OSBPL1A: variants seen among roughly 807,000 people sequenced by gnomAD.
OSBPL1A encodes oxysterol-binding protein-related protein 1.
Under a neutral mutation model 137.1 loss-of-function variants are expected in OSBPL1A, and 80 were observed. The observed-to-expected ratio is 0.58, with a 90% CI of 0.49 to 0.70. OSBPL1A has a LOEUF of 0.70. OSBPL1A is among the 30% of genes least tolerant of loss of function. The probability of loss-of-function intolerance (pLI) is 0.00; values close to 1 mark genes in which losing one functional copy is unlikely to be tolerated. For missense variants in OSBPL1A, 970 were observed against 1,129.4 expected, an observed-to-expected ratio of 0.86 and a Z score of 2.02; for synonymous variants, 365 against 389.7, an observed-to-expected ratio of 0.94 and a Z score of 0.75.
Position 24,333,603 on chromosome 18 carries a change from G to C in OSBPL1A, c.481-517C>G, listed in dbSNP as rs541421460. On this transcript the variant is annotated intron_variant, in intron 6 of 27. Coordinates refer to ENST00000319481, the MANE Select transcript of OSBPL1A (RefSeq NM_080597.4). The stretch of plus-strand genomic sequence containing the variant: ...TTAGGTGCTATACTTAGAAACCAAA[G>C]AGGCCCTTTCAAATGAGCTGAAATA... 1.8e-4 allele frequency among the ~76,000 whole-genome samples: 27 copies of C among 152,274 alleles called. No homozygotes were observed. The East Asian group carries it at 4.6e-3, about 26-fold the overall frequency.
chr18:24,163,440 T>G (rs62089649), intron 27 of OSBPL1A, among the ~76,000 whole-genome samples, 159 bp from the exon 28 acceptor site: 1 of 152,164 alleles, frequency 6.6e-6, no homozygotes, highest in African/African-American at 2.4e-5. Context: ...TCTGCTTAGG[T>G]AGGGAACAGG....
chr18:24,315,080 G>A (rs193220230), intron 11 of OSBPL1A, among the ~76,000 whole-genome samples: 106 of 152,242 alleles, frequency 7.0e-4, no homozygotes, highest in African/African-American at 2.4e-3. Context: ...GAGGAACCTG[G>A]ACCTGAACAA....
At chr18:24,195,678 C>A (rs190028081) in intron 18 of OSBPL1A, among the ~76,000 whole-genome samples, 72 of 152,318 alleles carry the variant, frequency 4.7e-4, no homozygotes, top group Middle Eastern at 6.8e-3. Context: ...TACCTCCCCC[C>A]ACATCAGATC....
At chr18:24,338,476 G>A (rs1310090968) in intron 5 of OSBPL1A, among the ~76,000 whole-genome samples, 1 of 152,058 alleles carries the variant, frequency 6.6e-6, no homozygotes, top group Non-Finnish European at 1.5e-5. Flanking sequence ...CTCCCATCAT[G>A]TATCTTTCAA....
Position 24,294,220 on chromosome 18 carries a change from G to GT in OSBPL1A, c.1174+9416dup, listed in dbSNP as rs78960811. Reference sequence around the variant, plus strand: ...TGTACACTACATCCAATATGTGGTTGTTTTTTTTTTTGGTGGTGGTGTTGT... The same window carrying GT: ...TGTACACTACATCCAATATGTGGTTGTTTTTTTTTTTTGGTGGTGGTGTTGT... On this transcript the variant is annotated intron_variant, in intron 14 of 27. Coordinates refer to ENST00000319481, the MANE Select transcript of OSBPL1A (RefSeq NM_080597.4). Among the ~76,000 whole-genome samples, 1,126 of 148,564 alleles carry GT rather than the reference G, an allele frequency of 7.6e-3. 7 individuals are homozygous for GT. Among genetic ancestry groups the GT allele is most frequent in the South Asian group, 0.013 (63 of 4,672 alleles).
chr18:24,323,257 A>G (rs974320653), intron 7 of OSBPL1A, among the ~76,000 whole-genome samples: 1 of 152,058 alleles, frequency 6.6e-6, no homozygotes, highest in Non-Finnish European at 1.5e-5. Context: ...AAAACAATAA[A>G]AAATACAAAA....
chr18:24,333,195 G>C, intron 6 of OSBPL1A, 109 bp from the exon 7 acceptor site: 1 of 1,225,610 alleles, frequency 8.2e-7, no homozygotes, highest in Non-Finnish European at 1.1e-6. Context: ...CAAGCTCCTT[G>C]GCATCCAGGC....
chr18:24,264,160 A>G (rs1483472901), intron 15 of OSBPL1A, among the ~76,000 whole-genome samples: 1 of 152,192 alleles, frequency 6.6e-6, no homozygotes, highest in Non-Finnish European at 1.5e-5. Flanking sequence ...CTACACAGAA[A>G]CTGTGGATGA....
At chr18:24,247,096 G>A (rs2088919865) in intron 15 of OSBPL1A, among the ~76,000 whole-genome samples, 1 of 152,200 alleles carries the variant, frequency 6.6e-6, no homozygotes, top group Non-Finnish European at 1.5e-5. Flanking sequence ...CAACATTAAG[G>A]GAGAAAGTGA....
At chr18:24,246,560 G>A (rs11665434) in intron 15 of OSBPL1A, among the ~76,000 whole-genome samples, 222 of 152,216 alleles carry the variant, frequency 1.5e-3, no homozygotes, top group Non-Finnish European at 2.4e-3. Context: ...GCAGGCAGAG[G>A]TGGGCGGATC....
chr18:24,179,709 G>GT, intron 20 of OSBPL1A, 29 bp downstream of exon 20: 2 of 1,563,206 alleles, frequency 1.3e-6, no homozygotes, highest in Non-Finnish European at 1.8e-6. Context: ...CTGCAACGCT[G>GT]TATAAAGCAT....
chr18:24,205,986 G>A (rs2087362624), intron 17 of OSBPL1A, among the ~76,000 whole-genome samples: 2 of 152,158 alleles, frequency 1.3e-5, no homozygotes, highest in Admixed American at 6.5e-5. Context: ...CGCCTCTGGG[G>A]TTCAAGTGAT....
chr18:24,234,213 T>C (rs34425491), intron 16 of OSBPL1A, among the ~76,000 whole-genome samples: 2 of 152,164 alleles, frequency 1.3e-5, no homozygotes, highest in East Asian at 1.9e-4. Context: ...TTATCCACAG[T>C]GGTTTCTCAT....
chr18:24,214,040 C>T (rs970105432), intron 17 of OSBPL1A, among the ~76,000 whole-genome samples: 1 of 152,170 alleles, frequency 6.6e-6, no homozygotes, highest in South Asian at 2.1e-4. Context: ...TTACTATAGG[C>T]CTGCTTCACA....
chr18:24,325,108 A>AAAGAAAGG (rs1555651171), intron 7 of OSBPL1A, among the ~76,000 whole-genome samples: 3 of 152,080 alleles, frequency 2.0e-5, no homozygotes, highest in Admixed American at 6.6e-5. Context: ...AGAAAGAAAG[A>AAAGAAAGG]AAGAAAAGGA....
intron 19 of OSBPL1A, among the ~76,000 whole-genome samples, chr18:24,180,042 A>T (rs2086559275): frequency 6.6e-6 from 1 of 152,254 alleles, no homozygotes; most frequent in South Asian, 2.1e-4. Context: ...CTACAGTGTT[A>T]TTCCCAACCA....
chr18:24,217,271 T>C (rs1279053738), intron 17 of OSBPL1A, among the ~76,000 whole-genome samples: 2 of 151,244 alleles, frequency 1.3e-5, no homozygotes, highest in African/African-American at 4.9e-5. Context: ...TTTTTTTTTT[T>C]TTTTGAGACA....
At position 24,393,786 on chromosome 18, in the gene OSBPL1A, C is replaced by T. The variant is rs187909260; in HGVS notation, c.-3+3869G>A. Among the ~76,000 whole-genome samples, 443 of 152,288 alleles carry T rather than the reference C, an allele frequency of 2.9e-3. 2 individuals carry two copies. Among genetic ancestry groups the T allele is most frequent in the Non-Finnish European group, 3.2e-3 (218 of 68,030 alleles). Reference sequence around the variant, plus strand: ...TATTTTATAAAATTCAATTCAGCTGCAAAAGTTAAATGCCATTGATTCTCA... The same window carrying T: ...TATTTTATAAAATTCAATTCAGCTGTAAAAGTTAAATGCCATTGATTCTCA... On this transcript the variant is annotated intron_variant, in intron 1 of 27. Coordinates refer to ENST00000319481, the MANE Select transcript of OSBPL1A (RefSeq NM_080597.4).
At chr18:24,286,866 G>T (rs938373847) in intron 14 of OSBPL1A, among the ~76,000 whole-genome samples, 2 of 152,148 alleles carry the variant, frequency 1.3e-5, no homozygotes, top group Non-Finnish European at 2.9e-5. Flanking sequence ...TGGAGAAAAA[G>T]GGGTAAGTTG....
Sources: gnomAD v4.1 joint callset for allele counts (sites outside exome capture counted in the v4.1 genomes callset) on GRCh38, gnomAD v4.1.1 for gene constraint, MANE v1.5 for transcripts, NCBI Gene and HGNC (gene_info 2026-07-23, HGNC 2026-07-21) for gene names.